The following PIK3C2G variants were observed in gnomAD, a reference collection of about 807,000 sequenced individuals.
PIK3C2G encodes the protein phosphatidylinositol 3-kinase C2 domain-containing subunit gamma.
Under a neutral mutation model 181.1 loss-of-function variants are expected in PIK3C2G, and 168 were observed. That is an observed-to-expected ratio of 0.93 (90% CI 0.82 to 1.05). The LOEUF (loss-of-function observed/expected upper bound fraction) is 1.05, where lower values mean the gene tolerates loss of function less well. PIK3C2G is among the 50% of genes least tolerant of loss of function. The pLI, the probability that PIK3C2G is intolerant of heterozygous loss-of-function variation, is 0.00. For missense variants in PIK3C2G, 1,869 were observed against 1,732.8 expected, an observed-to-expected ratio of 1.08 and a Z score of -1.40; for synonymous variants, 573 against 592.2, an observed-to-expected ratio of 0.97 and a Z score of 0.47.
intron 19 of PIK3C2G, among the ~76,000 whole-genome samples, chr12:18,490,084 A>T (rs1940415940): frequency 6.6e-6 from 1 of 150,446 alleles, no homozygotes; most frequent in Non-Finnish European, 1.5e-5. Context: ...TTTTGTACTT[A>T]AAAAAGCACT....
intron 1 of PIK3C2G, among the ~76,000 whole-genome samples, chr12:18,264,370 C>T (rs553023315): frequency 6.6e-6 from 1 of 152,214 alleles, no homozygotes; most frequent in East Asian, 1.9e-4. Flanking sequence ...ACCTCCCCTT[C>T]TGGTATTTTT....
At chr12:18,314,661 T>C (rs1361882107) in intron 6 of PIK3C2G, 6 of 152,308 alleles carry the variant, frequency 3.9e-5, no homozygotes, top group African/African-American at 9.6e-5. Context: ...TATTTTGTTA[T>C]AGCAGCCCAG....
chr12:18,693,647 G>A, the PIK3C2G span: 4 of 1,563,672 alleles, frequency 2.6e-6, no homozygotes, highest in Non-Finnish European at 3.5e-6. Flanking sequence ...TGACGCCATT[G>A]GGACAAAAAG....
rs77788041 is a variant in PIK3C2G at position 18,569,860 on chromosome 12, G to A, written c.4011+2803G>A. Among the ~76,000 whole-genome samples, 902 of 151,826 alleles carry A rather than the reference G, an allele frequency of 5.9e-3. 5 individuals are homozygous for A. The highest frequency in any genetic ancestry group is 0.021 in the African/African-American group (855 of 41,412). ...TTTTTGATATGTTTTTTGGTCATTC[G>A]GATATCTTCTTTCATGAAGTGCCAG... On this transcript the variant is annotated intron_variant, in intron 29 of 32. Coordinates refer to ENST00000538779, the MANE Select transcript of PIK3C2G (RefSeq NM_001288772.2).
At chr12:18,285,902 A>C (rs1457965346) in intron 2 of PIK3C2G, among the ~76,000 whole-genome samples, 1 of 151,998 alleles carries the variant, frequency 6.6e-6, no homozygotes, top group African/African-American at 2.4e-5. Flanking sequence ...GCAGGAATTG[A>C]CAAATGAGAT....
At chr12:18,699,335 A>G in the PIK3C2G span, among the ~76,000 whole-genome samples, 1 of 152,168 alleles carries the variant, frequency 6.6e-6, no homozygotes. Flanking sequence ...AATCTTTATT[A>G]CCGCCTTCCT....
intron 11 of PIK3C2G, among the ~76,000 whole-genome samples, chr12:18,347,858 T>C (rs1195842286): frequency 5.3e-5 from 8 of 152,042 alleles, no homozygotes; most frequent in Non-Finnish European, 5.9e-5. Context: ...TCTTGATCTG[T>C]ATTTTTTAAA....
At chr12:18,291,600 T>C (rs997461205) in intron 4 of PIK3C2G, among the ~76,000 whole-genome samples, 1 of 152,178 alleles carries the variant, frequency 6.6e-6, no homozygotes, top group Admixed American at 6.5e-5. Flanking sequence ...TTTAGTATCT[T>C]ACTTCATTGT....
At chr12:18,713,840 T>C in the PIK3C2G span, 1 of 152,194 alleles carries the variant, frequency 6.6e-6, no homozygotes, top group Admixed American at 6.5e-5. Flanking sequence ...AAAATAAATA[T>C]TGGTTTCTTG....
intron 24 of PIK3C2G, among the ~76,000 whole-genome samples, chr12:18,509,834 G>C (rs956905042): frequency 6.6e-6 from 1 of 152,178 alleles, no homozygotes; most frequent in Admixed American, 6.5e-5. Context: ...TATACCATCA[G>C]ATTAAATCAA....
At chr12:18,559,865 G>GAGAGAGAGAGAGAA (rs1945257412) in intron 26 of PIK3C2G, among the ~76,000 whole-genome samples, 1 of 126,838 alleles carries the variant, frequency 7.9e-6, no homozygotes, top group East Asian at 2.4e-4. Context: ...GAGAGAGAGA[G>GAGAGAGAGAGAGAA]ACAGTTTTGC....
chr12:18,518,326 G>C (rs766632288), intron 24 of PIK3C2G, among the ~76,000 whole-genome samples: 31 of 152,144 alleles, frequency 2.0e-4, no homozygotes, highest in Non-Finnish European at 4.3e-4. Context: ...GCTCCTCTTT[G>C]TACCACTGTA....
intron 11 of PIK3C2G, among the ~76,000 whole-genome samples, chr12:18,361,066 C>T (rs1409114963): frequency 6.6e-6 from 1 of 151,804 alleles, no homozygotes. Flanking sequence ...TTCTTCAGTT[C>T]ATTGTGGGGT....
chr12:18,712,762 A>G, the PIK3C2G span: 1 of 1,510,698 alleles, frequency 6.6e-7, no homozygotes, highest in East Asian at 2.3e-5. Flanking sequence ...AGTAAGGCTA[A>G]GCATTATAGG....
the PIK3C2G span, chr12:18,692,970 T>C: frequency 7.0e-7 from 1 of 1,435,008 alleles, no homozygotes; most frequent in Non-Finnish European, 9.8e-7. Flanking sequence ...ATTACTGAAG[T>C]TAGAGAGAAT....
At chr12:18,661,877 A>G in the PIK3C2G span, among the ~76,000 whole-genome samples, 4 of 152,136 alleles carry the variant, frequency 2.6e-5, no homozygotes, top group African/African-American at 9.7e-5. Flanking sequence ...GTGCCCATCA[A>G]CAGTAGTACT....
intron 6 of PIK3C2G, among the ~76,000 whole-genome samples, chr12:18,315,911 G>GTA (rs1410942789): frequency 5.3e-5 from 8 of 151,722 alleles, no homozygotes; most frequent in South Asian, 4.2e-4. Flanking sequence ...GTGTGTGTGT[G>GTA]TGTGTGTGTG....
intron 18 of PIK3C2G, among the ~76,000 whole-genome samples, chr12:18,465,417 T>C (rs1056660278): frequency 5.3e-5 from 8 of 151,978 alleles, no homozygotes. Flanking sequence ...TGTCCATCAT[T>C]TCTTCTTGCA....
chr12:18,361,462 T>C (rs1941229670), intron 11 of PIK3C2G, among the ~76,000 whole-genome samples: 2 of 152,088 alleles, frequency 1.3e-5, no homozygotes, highest in Non-Finnish European at 2.9e-5. Flanking sequence ...CTTATTACCT[T>C]GTGTTGAGAT....
Sources: allele counts gnomAD v4.1 joint callset (sites outside exome capture counted in the v4.1 genomes callset), GRCh38; gene constraint gnomAD v4.1.1; transcripts MANE v1.5; gene names NCBI Gene and HGNC (gene_info 2026-07-23, HGNC 2026-07-21).